ZNF879: variants seen among roughly 807,000 people sequenced by gnomAD.
ZNF879 encodes the protein zinc finger protein 879.
In ZNF879, 32 loss-of-function variants were observed where a neutral mutation model predicts 44.3. The observed-to-expected ratio is 0.72, with a 90% CI of 0.54 to 0.97. The LOEUF is 0.97. Ranked by LOEUF, ZNF879 falls within the 50% of genes least tolerant of loss-of-function variation. The pLI, the probability that ZNF879 is intolerant of heterozygous loss-of-function variation, is 0.00. For missense variants in ZNF879, 621 were observed against 669.7 expected (o/e 0.93, Z 0.80); for synonymous variants, 234 against 233.2 (o/e 1.00, Z -0.03).
intron 1 of ZNF879, chr5:179,024,743 C>G (rs1162919235): frequency 1.9e-6 from 1 of 520,494 alleles, no homozygotes; most frequent in Admixed American, 3.1e-5. Flanking sequence ...CCCTTCGCTC[C>G]TTTCGTCTTT....
rs1343295805 is a variant in ZNF879 at position 179,033,590 on chromosome 5, G to C, written c.1642G>C (p.Ala548Pro). The C allele has an allele frequency of 1.3e-6, 2 of 1,545,978 alleles. No individual in the cohort carries two copies. Among genetic ancestry groups the C allele is most frequent in the African/African-American group, 1.4e-5 (1 of 72,646 alleles). The change falls in exon 5 of 5, where the codon GCT becomes CCT. Residue 548 changes from alanine (A) to proline (P), a missense_variant. Coordinates refer to ENST00000444149, the MANE Select transcript of ZNF879 (RefSeq NM_001136116.3). Reference protein sequence around the residue: ...KPYKCKECGKAFSQSSSLTNH... With the variant: ...KPYKCKECGKPFSQSSSLTNH... ...TTATAAATGTAAAGAATGTGGGAAG[G>C]CTTTTAGTCAGAGCTCATCTCTTAC... is the stretch of plus-strand genomic sequence containing the variant.
At position 179,027,378 on chromosome 5, in the gene ZNF879, A is replaced by C. The variant is rs187999200; in HGVS notation, c.34-95A>C. The C allele has an allele frequency of 1.1e-4, 162 of 1,524,538 alleles. 1 individual carries two copies. In the East Asian group the frequency reaches 3.8e-3, roughly 36 times the overall value. 94.4% of individuals were successfully genotyped at this position (1,524,538 alleles called of 1,614,324 possible). ...CTGAAAAGTTGTCCAGAAACACTTG[A>C]AATACTTAGAACCCTAAGTTGTGAC... On this transcript the variant is annotated intron_variant, in intron 2 of 4. Coordinates refer to ENST00000444149, the MANE Select transcript of ZNF879 (RefSeq NM_001136116.3).
intron 2 of ZNF879, 113 bp from the exon 3 acceptor site, chr5:179,027,360 G>C (rs142344119): frequency 1.5e-3 from 2,144 of 1,459,330 alleles, no homozygotes; most frequent in Non-Finnish European, 1.9e-3. Context: ...TAACTGAAAA[G>C]TTGTCCAGAA....
rs1309888973 is a variant in ZNF879, at chr5:179,034,695, A to G, written c.*1055A>G. On this transcript the variant is annotated 3_prime_UTR_variant, in exon 5 of 5. Coordinates refer to ENST00000444149, the MANE Select transcript of ZNF879 (RefSeq NM_001136116.3). ...ACTCTTTCTTCCAGCAAATGGACTT[A>G]CACTCTTCAACAAGTGATTTAGCTC... 1 of 152,246 alleles carries G rather than the reference A, an allele frequency of 6.6e-6. No homozygotes were observed. Among genetic ancestry groups the G allele is most frequent in the African/African-American group, 2.4e-5 (1 of 41,456 alleles). The allele number at this position is 152,246 out of a possible 1,614,324, so 9.4% of individuals were successfully genotyped here. A position where few individuals can be genotyped will look rare whatever the true frequency, so the allele number is the denominator to read the frequency against.
At position 179,033,311 on chromosome 5, in the gene ZNF879, C is replaced by A; in HGVS notation, c.1363C>A (p.Pro455Thr). The change falls in exon 5 of 5, where the codon CCA becomes ACA. Residue 455 changes from proline (P) to threonine (T), a missense_variant. Pro to Thr is a conservative substitution (Grantham distance 38). Coordinates refer to ENST00000444149, the MANE Select transcript of ZNF879 (RefSeq NM_001136116.3). Reference sequence around the variant, plus strand: ...TCACAGAATTCACACTGGAGAGAAACCATATAATTGTAAGGAATGTGGAAA... The same window carrying A: ...TCACAGAATTCACACTGGAGAGAAAACATATAATTGTAAGGAATGTGGAAA... ...IHHRIHTGEK[P>T]YNCKECGKAF... The A allele has an allele frequency of 6.4e-7, 1 of 1,574,624 alleles. No individual in the cohort carries two copies. The highest frequency in any genetic ancestry group is 1.2e-5 in the South Asian group (1 of 86,480).
At chr5:179,029,006 A>G (rs7733072) in intron 4 of ZNF879, among the ~76,000 whole-genome samples, 44,437 of 151,712 alleles carry the variant, frequency 0.29, 7,083 homozygotes, top group African/African-American at 0.43. Flanking sequence ...TTTTCAAAAA[A>G]GGTTCATGTG....
rs375911965 is a variant in ZNF879, at chr5:179,033,273, G to A, written c.1325G>A (p.Arg442Gln). The A allele has an allele frequency of 2.7e-5, 42 of 1,581,294 alleles. No individual in the cohort carries two copies. Among genetic ancestry groups the A allele is most frequent in the Non-Finnish European group, 3.4e-5 (40 of 1,163,686 alleles). Residue 442 changes from arginine (R) to glutamine (Q), a missense_variant, in exon 5 of 5, where the codon CGG becomes CAG. Coordinates refer to ENST00000444149, the MANE Select transcript of ZNF879 (RefSeq NM_001136116.3). ...GGGAAAGCCTTCTCTTGGATTTCAC[G>A]GCTTAATATACATCACAGAATTCAC... ...ECGKAFSWISRLNIHHRIHTG... is the reference protein window; with the variant it reads ...ECGKAFSWISQLNIHHRIHTG...
intron 4 of ZNF879, among the ~76,000 whole-genome samples, chr5:179,029,605 T>A (rs1485450389): frequency 6.6e-6 from 1 of 152,220 alleles, no homozygotes; most frequent in Admixed American, 6.5e-5. Context: ...CAAGCATTTT[T>A]AAAAATTAAT....
At position 179,035,048 on chromosome 5, in the gene ZNF879, C is replaced by CAAA. The variant is rs11396395; in HGVS notation, c.*1422_*1424dup. ...TGAAACCACGTCTCCACTAAAAATA[C>CAAA]AAAAAAAAAAAAAAAATTAGCCGGC... On this transcript the variant is annotated 3_prime_UTR_variant, in exon 5 of 5. Coordinates refer to ENST00000444149, the MANE Select transcript of ZNF879 (RefSeq NM_001136116.3). 1,717 of 134,268 alleles carry CAAA rather than the reference C, an allele frequency of 0.013. 45 individuals are homozygous for CAAA. Among genetic ancestry groups the CAAA allele is most frequent in the African/African-American group, 0.042 (1,488 of 35,600 alleles). The allele number at this position is 134,268 out of a possible 1,614,324, so 8.3% of individuals were successfully genotyped here.
At position 179,032,608 on chromosome 5, in the gene ZNF879, T is replaced by C; in HGVS notation, c.660T>C (p.Ser220=). ...GKIFLHSSSL[S]KHQRIHTGEK... ...TCTTCCTCCACAGTTCCTCCCTGAG[T>C]AAACACCAGAGAATCCACACTGGAG... Residue 220 remains serine (S), a synonymous_variant, in exon 5 of 5, where the codon AGT becomes AGC. Coordinates refer to ENST00000444149, the MANE Select transcript of ZNF879 (RefSeq NM_001136116.3). 6.4e-7 allele frequency: 1 copy of C among 1,563,164 alleles called. No homozygotes were observed. Among genetic ancestry groups the C allele is most frequent in the South Asian group, 1.2e-5 (1 of 84,900 alleles).
chr5:179,025,548 A>T (rs1189809596), intron 2 of ZNF879, among the ~76,000 whole-genome samples: 1 of 152,234 alleles, frequency 6.6e-6, no homozygotes, highest in Non-Finnish European at 1.5e-5. Flanking sequence ...GGCCACTGCC[A>T]CTACCAGAGC....
chr5:179,025,487 G>T (rs1293098991), intron 2 of ZNF879, among the ~76,000 whole-genome samples: 1 of 152,120 alleles, frequency 6.6e-6, no homozygotes, highest in Non-Finnish European at 1.5e-5. Context: ...ACCGCGCCCG[G>T]CCCCCAGTCT....
At chr5:179,027,930 C>A in intron 3 of ZNF879, 102 bp from the exon 4 acceptor site, 2 of 1,066,222 alleles carry the variant, frequency 1.9e-6, no homozygotes, top group Non-Finnish European at 2.8e-6. Context: ...CCTCTCAGAA[C>A]AAACCTCCTC....
intron 4 of ZNF879, among the ~76,000 whole-genome samples, chr5:179,028,888 G>C (rs1486044549): frequency 6.6e-6 from 1 of 152,122 alleles, no homozygotes; most frequent in Non-Finnish European, 1.5e-5. Context: ...TTTCTCACCT[G>C]GGCAGGGCGT....
intron 3 of ZNF879, 145 bp downstream of exon 3, chr5:179,027,744 C>T: frequency 2.7e-6 from 3 of 1,126,596 alleles, no homozygotes; most frequent in Non-Finnish European, 3.7e-6. Flanking sequence ...TATGGAGAGA[C>T]CTTGGCTTAG....
Position 179,033,189 on chromosome 5 carries a change from C to A in ZNF879, c.1241C>A (p.Ala414Asp). 6.3e-7 allele frequency: 1 copy of A among 1,595,024 alleles called. No individual in the cohort carries two copies. The highest frequency in any genetic ancestry group is 1.1e-5 in the South Asian group (1 of 88,656). Residue 414 changes from alanine (A) to aspartate (D), a missense_variant, in exon 5 of 5, where the codon GCT becomes GAT. Ala to Asp is a moderately radical substitution (Grantham distance 126, BLOSUM62 -2). Transcript: ENST00000444149. ...ECGKAFSQSS[A>D]LIQHQRIHTG... ...GGGAAAGCCTTCAGCCAAAGCTCAG[C>A]TCTCATACAACATCAAAGAATTCAC...
Position 179,033,539 on chromosome 5 carries a change from A to T in ZNF879, c.1591A>T (p.Met531Leu). 6.4e-7 allele frequency: 1 copy of T among 1,554,294 alleles called. No individual in the cohort carries two copies. Among genetic ancestry groups the T allele is most frequent in the Non-Finnish European group, 8.7e-7 (1 of 1,148,644 alleles). The change falls in exon 5 of 5, where the codon ATG becomes TTG. Residue 531 changes from methionine to leucine, a missense_variant. By Grantham distance (15) the Met-to-Leu change is conservative. Coordinates refer to ENST00000444149, the MANE Select transcript of ZNF879 (RefSeq NM_001136116.3). ...ACAGAGTTCATCCCTTATGACACACATGAGAATTCATACAGGGGAAAAACC... is the reference window on the plus strand; with the variant it reads ...ACAGAGTTCATCCCTTATGACACACTTGAGAATTCATACAGGGGAAAAACC... ...FRQSSSLMTH[M>L]RIHTGEKPYK...
intron 1 of ZNF879, 42 bp from the exon 2 acceptor site, chr5:179,024,927 CA>C: frequency 6.8e-7 from 1 of 1,472,412 alleles, no homozygotes; most frequent in Non-Finnish European, 9.3e-7. Context: ...GGTGGGCATG[CA>C]GGCTGGATGA....
In ZNF879 at chr5:179,033,365, ACTC is replaced by A; in HGVS notation, c.1418_1420del (p.Thr473_His474delinsAsn). 1 of 1,560,620 alleles carries A rather than the reference ACTC, an allele frequency of 6.4e-7. No homozygotes were observed. The highest frequency in any genetic ancestry group is 8.7e-7 in the Non-Finnish European group (1 of 1,152,204). On this transcript the variant is annotated inframe_deletion, in exon 5 of 5. Coordinates refer to ENST00000444149, the MANE Select transcript of ZNF879 (RefSeq NM_001136116.3). ...CTTCAGTTCCCACTCAGGCGTTAAT[ACTC>A]ATCGAAAAATTCATACTGGAGAAAA...
Sources: allele counts gnomAD v4.1 joint callset (sites outside exome capture counted in the v4.1 genomes callset), GRCh38; gene constraint gnomAD v4.1.1; transcripts MANE v1.5; gene names NCBI Gene and HGNC (gene_info 2026-07-23, HGNC 2026-07-21).